The following COA8 variants were observed in gnomAD, a reference collection of about 807,000 sequenced individuals.
COA8 encodes UPF0671 protein C14orf153.
In COA8, 20 loss-of-function variants were observed where a neutral mutation model predicts 22.0. The observed-to-expected ratio is 0.91, with a 90% CI of 0.64 to 1.32. The LOEUF (loss-of-function observed/expected upper bound fraction) is 1.32, where lower values mean the gene tolerates loss of function less well. Among genes scored for constraint, COA8 ranks in the 40% most tolerant of loss-of-function variants. The pLI is 0.00. For synonymous variants in COA8, 105 were observed against 79.9 expected (o/e 1.31, Z -1.68); for missense variants, 266 against 230.0 (o/e 1.16, Z -1.01).
intron 3 of COA8, among the ~76,000 whole-genome samples, chr14:103,583,541 C>CAAAAAAAAAAAAAAAAA: frequency 3.8e-5 from 2 of 53,104 alleles, no homozygotes; most frequent in Non-Finnish European, 7.0e-5. Context: ...GACTCGATCT[C>CAAAAAAAAAAAAAAAAA]AAAAAAAAAA....
chr14:103,563,131 A>G lies in COA8; in HGVS notation c.123+7A>G, dbSNP rs1555412102. ...GGATACGGCGCCCAGCGGGGTAAGC[A>G]GGGGCCTGGGGACATTGGGCCGGGA... On this transcript the variant is annotated splice_region_variant and intron_variant, in intron 1 of 4. Coordinates refer to ENST00000409074, the MANE Select transcript of COA8 (RefSeq NM_001370595.2). 5.8e-6 allele frequency: 9 copies of G among 1,539,942 alleles called. No individual in the cohort carries two copies. In the South Asian group the frequency reaches 1.1e-4, roughly 18 times the overall value.
chr14:103,584,119 G>A (rs1342745542), intron 3 of COA8, among the ~76,000 whole-genome samples: 2 of 152,062 alleles, frequency 1.3e-5, no homozygotes, highest in South Asian at 2.1e-4. Context: ...TCACTGCAGC[G>A]TCAGCCTCCT....
At chr14:103,584,396 C>G (rs940734163) in intron 3 of COA8, among the ~76,000 whole-genome samples, 1 of 152,160 alleles carries the variant, frequency 6.6e-6, no homozygotes, top group African/African-American at 2.4e-5. Context: ...TTCCGGCCCC[C>G]ATCCCGAAGC....
chr14:103,563,747 G>A (rs921250815), intron 1 of COA8, among the ~76,000 whole-genome samples: 4 of 152,178 alleles, frequency 2.6e-5, no homozygotes, highest in Non-Finnish European at 2.9e-5. Flanking sequence ...GTTGACTAAC[G>A]GTGTGGAATG....
intron 3 of COA8, chr14:103,574,464 C>T (rs192566736): frequency 3.5e-6 from 2 of 571,654 alleles, no homozygotes; most frequent in African/African-American, 3.7e-5. Context: ...CTTCTCCCTC[C>T]AAAGCAGCTT....
At chr14:103,564,399 T>A (rs990445183) in intron 1 of COA8, among the ~76,000 whole-genome samples, 5 of 151,948 alleles carry the variant, frequency 3.3e-5, no homozygotes, top group African/African-American at 1.2e-4. Context: ...AGCATCTCTA[T>A]CTTTGGGCAG....
In COA8 at chr14:103,587,376, C is replaced by T. The variant is rs1395300112; in HGVS notation, c.476+12C>T. 3 of 1,586,890 alleles carry T rather than the reference C, an allele frequency of 1.9e-6. No homozygotes were observed. The highest frequency in any genetic ancestry group is 2.6e-6 in the Non-Finnish European group (3 of 1,160,370). ...ATGTATTATAACAGGTAGGTGTTTA[C>T]TCTTTTCCTGAAAATTTGAATAGCA... On this transcript the variant is annotated intron_variant, in intron 4 of 4. Transcript: ENST00000409074.
intron 4 of COA8, among the ~76,000 whole-genome samples, chr14:103,589,743 TAA>T (rs547553663): frequency 1.4e-5 from 2 of 143,756 alleles, no homozygotes; most frequent in Admixed American, 7.0e-5. Context: ...CTGTCTCTAC[TAA>T]AAAAAAAAAA....
Position 103,580,497 on chromosome 14 carries a change from G to GT in COA8, c.385+6335dup, listed in dbSNP as rs1006372806. On this transcript the variant is annotated intron_variant, in intron 3 of 4. Transcript: ENST00000409074. ...TAATTTTTGTTTTTTGTTTTTTGTG[G>GT]TTTTTTTTGTTTTTTGAAGCGGAGT... Among the ~76,000 whole-genome samples the GT allele has an allele frequency of 9.0e-4, 135 of 149,942 alleles. 1 individual carries two copies. The highest frequency in any genetic ancestry group is 8.9e-3 in the East Asian group (45 of 5,052).
intron 3 of COA8, among the ~76,000 whole-genome samples, chr14:103,586,734 G>A (rs1012090240): frequency 6.7e-6 from 1 of 148,844 alleles, no homozygotes; most frequent in Non-Finnish European, 1.5e-5. Flanking sequence ...ACCCCCCACC[G>A]GCCCCAGTAT....
At chr14:103,572,723 C>T (rs1290976400) in intron 2 of COA8, among the ~76,000 whole-genome samples, 1 of 151,722 alleles carries the variant, frequency 6.6e-6, no homozygotes, top group African/African-American at 2.4e-5. Flanking sequence ...GGAGTGAGAC[C>T]CTCAAAAAGA....
chr14:103,571,811 T>A lies in COA8; in HGVS notation c.312T>A (p.Thr104=). ...AGTTCTGGGCAAACCAGAATTTGACTTTTAGTAAGGTAAGTTTAAGTTTTA... is the reference window on the plus strand; with the variant it reads ...AGTTCTGGGCAAACCAGAATTTGACATTTAGTAAGGTAAGTTTAAGTTTTA... ...NQQFWANQNL[T]FSKEKEEFIH... is the part of the protein sequence containing the mutation. The change falls in exon 2 of 5, where the codon ACT becomes ACA. Residue 104 remains threonine, a synonymous_variant. Transcript: ENST00000409074. The A allele has an allele frequency of 6.2e-7, 1 of 1,613,608 alleles. No individual in the cohort carries two copies. Among genetic ancestry groups the A allele is most frequent in the Non-Finnish European group, 8.5e-7 (1 of 1,179,840 alleles).
Position 103,581,435 on chromosome 14 carries a change from G to C in COA8, c.386-5839G>C. The C allele has an allele frequency of 7.7e-6, 3 of 391,872 alleles. No homozygotes were observed. The highest frequency in any genetic ancestry group is 3.6e-5 in the East Asian group (1 of 27,732). 24.3% of individuals were successfully genotyped at this position (391,872 alleles called of 1,614,324 possible). Reference sequence around the variant, plus strand: ...GGCGCGTCTACACTGTGGAGGTGCTGGACAGAGGGAGGAGTCGCCTCCTGG... The same window carrying C: ...GGCGCGTCTACACTGTGGAGGTGCTCGACAGAGGGAGGAGTCGCCTCCTGG... On this transcript the variant is annotated intron_variant, in intron 3 of 4. Coordinates refer to ENST00000409074, the MANE Select transcript of COA8 (RefSeq NM_001370595.2). This position sits in a 1 kb window ranked among gnomAD's most constrained non-coding sequence, Gnocchi z 4.1.
At chr14:103,578,024 CAAA>C (rs780479034) in intron 3 of COA8, among the ~76,000 whole-genome samples, 1 of 49,144 alleles carries the variant, frequency 2.0e-5, no homozygotes. Context: ...AACTCCATCT[CAAA>C]AAAAAAAAAA....
chr14:103,574,103 T>TTTTG lies in COA8; in HGVS notation c.322-4_322-3insTTTG. 2 of 1,484,220 alleles carry TTTTG rather than the reference T, an allele frequency of 1.3e-6. No homozygotes were observed. Among genetic ancestry groups the TTTTG allele is most frequent in the Non-Finnish European group, 1.8e-6 (2 of 1,115,538 alleles). 91.9% of individuals were successfully genotyped at this position (1,484,220 alleles called of 1,614,324 possible). ...CTTTTTTTTTTTTTTTTTTTTTTTT[T>TTTTG]AAGGAAAAAGAAGAATTTATTCACT... is the stretch of plus-strand genomic sequence containing the variant. On this transcript the variant is annotated splice_region_variant and splice_polypyrimidine_tract_variant and intron_variant, in intron 2 of 4. Coordinates refer to ENST00000409074, the MANE Select transcript of COA8 (RefSeq NM_001370595.2).
At chr14:103,573,384 G>A (rs1270161868) in intron 2 of COA8, among the ~76,000 whole-genome samples, 2 of 151,956 alleles carry the variant, frequency 1.3e-5, no homozygotes, top group African/African-American at 4.8e-5. Flanking sequence ...TGGCCAGGCT[G>A]GTCTTGAACC....
intron 3 of COA8, chr14:103,574,833 C>T (rs2076218692): frequency 4.2e-6 from 1 of 239,552 alleles, no homozygotes; most frequent in Admixed American, 5.2e-5. Flanking sequence ...GCAGATGCTG[C>T]ATCCAGCAGT....
At chr14:103,570,018 G>A (rs1009589409) in intron 1 of COA8, among the ~76,000 whole-genome samples, 130 of 152,146 alleles carry the variant, frequency 8.5e-4, no homozygotes, top group African/African-American at 3.0e-3. Context: ...CACCACGCAT[G>A]GCTAATTTTT....
intron 3 of COA8, among the ~76,000 whole-genome samples, chr14:103,576,060 C>A (rs2076227869): frequency 6.6e-6 from 1 of 152,012 alleles, no homozygotes; most frequent in Non-Finnish European, 1.5e-5. Flanking sequence ...GTAATCCCAG[C>A]ACTTTGGGAG....
Sources: gnomAD v4.1 joint callset for allele counts (sites outside exome capture counted in the v4.1 genomes callset) on GRCh38, gnomAD v4.1.1 for gene constraint, Gnocchi (gnomAD v3.1) non-coding constraint, MANE v1.5 for transcripts, NCBI Gene and HGNC (gene_info 2026-07-23, HGNC 2026-07-21) for gene names.